Variants in ZMIZ1 observed in about 807,000 individuals in gnomAD.
The protein encoded by ZMIZ1 is zinc finger MIZ-type containing 1, also known as zinc finger MIZ domain-containing protein 1.
Under a neutral mutation model 113.9 loss-of-function variants are expected in ZMIZ1, and 17 were observed. The observed-to-expected ratio is 0.15, with a 90% confidence interval of 0.10 to 0.22. The LOEUF is 0.22. Ranked by LOEUF, ZMIZ1 falls within the 10% of genes least tolerant of loss-of-function variation. The pLI is 1.00. For synonymous variants in ZMIZ1, 607 were observed against 603.1 expected (o/e 1.01, Z -0.09); for missense variants, 1,059 against 1,477.8 (o/e 0.72, Z 4.65).
At chr10:79,128,300 C>T (rs560583482) in intron 2 of ZMIZ1, among the ~76,000 whole-genome samples, 157 of 152,324 alleles carry the variant, frequency 1.0e-3, no homozygotes, top group African/African-American at 3.6e-3. Flanking sequence ...TCTCCCTGCA[C>T]CATACTCGAC....
At chr10:79,149,112 G>T (rs1845610742) in intron 3 of ZMIZ1, among the ~76,000 whole-genome samples, 1 of 152,218 alleles carries the variant, frequency 6.6e-6, no homozygotes, top group East Asian at 1.9e-4. Context: ...CCCTTGGGCT[G>T]CCTTTGGTAC....
chr10:79,127,983 G>A (rs1844589562), intron 2 of ZMIZ1, among the ~76,000 whole-genome samples: 1 of 152,216 alleles, frequency 6.6e-6, no homozygotes, highest in Non-Finnish European at 1.5e-5. Context: ...CCTGGGTGCT[G>A]GAAGCTAATT....
At chr10:79,153,835 T>A (rs1362734629) in intron 3 of ZMIZ1, among the ~76,000 whole-genome samples, 2 of 152,234 alleles carry the variant, frequency 1.3e-5, no homozygotes, top group South Asian at 4.1e-4. Flanking sequence ...AACAGGACTT[T>A]CCTTTGTCCG....
chr10:79,087,135 A>G (rs1278749896), intron 1 of ZMIZ1, among the ~76,000 whole-genome samples: 2 of 152,358 alleles, frequency 1.3e-5, no homozygotes, highest in African/African-American at 2.4e-5. Flanking sequence ...GTTCACTGGC[A>G]TTGTGTCTCC....
intron 7 of ZMIZ1, among the ~76,000 whole-genome samples, chr10:79,258,257 G>T (rs977771824): frequency 6.6e-6 from 1 of 152,160 alleles, no homozygotes; most frequent in Non-Finnish European, 1.5e-5. Flanking sequence ...GGTTATGCAC[G>T]CCTGTAGTCC....
intron 5 of ZMIZ1, among the ~76,000 whole-genome samples, chr10:79,204,139 A>C (rs935205449): frequency 6.6e-6 from 1 of 152,224 alleles, no homozygotes; most frequent in Non-Finnish European, 1.5e-5. Flanking sequence ...GAGAAAGGCA[A>C]GCATGTGTGC....
At chr10:79,188,553 C>T (rs930639761) in intron 4 of ZMIZ1, among the ~76,000 whole-genome samples, 2 of 152,164 alleles carry the variant, frequency 1.3e-5, no homozygotes, top group Non-Finnish European at 2.9e-5. Context: ...TTCGCACAGA[C>T]GTCTTTGTTT....
chr10:79,240,910 T>C (rs1849803344), intron 7 of ZMIZ1, among the ~76,000 whole-genome samples: 1 of 152,152 alleles, frequency 6.6e-6, no homozygotes, highest in East Asian at 1.9e-4. Flanking sequence ...CAAAGTGGTT[T>C]TGCTGAACTC....
chr10:79,080,024 G>T (rs1022227302), intron 1 of ZMIZ1, among the ~76,000 whole-genome samples: 1 of 152,330 alleles, frequency 6.6e-6, no homozygotes, highest in Non-Finnish European at 1.5e-5. Flanking sequence ...CTTAGCTGGG[G>T]TTGTTGTGCT....
At chr10:79,124,255 G>T (rs1301128630) in intron 2 of ZMIZ1, among the ~76,000 whole-genome samples, 1 of 152,208 alleles carries the variant, frequency 6.6e-6, no homozygotes, top group African/African-American at 2.4e-5. Context: ...CAGAGGATTG[G>T]GGTAGGTCAG....
At chr10:79,139,212 G>T (rs1769758) in intron 2 of ZMIZ1, among the ~76,000 whole-genome samples, 67,129 of 151,940 alleles carry the variant, frequency 0.44, 17,112 homozygotes, top group South Asian at 0.73. Flanking sequence ...ATTCAGGCAG[G>T]GGTCACAGAG....
intron 1 of ZMIZ1, among the ~76,000 whole-genome samples, chr10:79,082,596 C>T: frequency 6.6e-6 from 1 of 152,240 alleles, no homozygotes; most frequent in Admixed American, 6.5e-5. Context: ...AGGAATCCAG[C>T]TGCAGAGCTG....
chr10:79,242,832 CG>C (rs1849921200), intron 7 of ZMIZ1, among the ~76,000 whole-genome samples: 1 of 152,090 alleles, frequency 6.6e-6, no homozygotes, highest in Admixed American at 6.5e-5. Context: ...TGCTGCTCGT[CG>C]GGTCGTGCGT....
At chr10:79,293,895 C>G in intron 12 of ZMIZ1, 1 of 621,018 alleles carries the variant, frequency 1.6e-6, no homozygotes, top group East Asian at 2.8e-5. Context: ...AGGAGGTGTC[C>G]GTGAAGTGCT....
intron 1 of ZMIZ1, among the ~76,000 whole-genome samples, chr10:79,083,635 A>G (rs996105524): frequency 6.6e-6 from 1 of 152,222 alleles, no homozygotes; most frequent in African/African-American, 2.4e-5. Flanking sequence ...GGTGGCCACA[A>G]GGAGACCATC....
chr10:79,154,382 G>A (rs1845821947), intron 3 of ZMIZ1, among the ~76,000 whole-genome samples: 2 of 152,178 alleles, frequency 1.3e-5, no homozygotes. Flanking sequence ...GGGATGGGGT[G>A]CCCTCTAGGG....
rs544404839 is a variant in ZMIZ1 at position 79,309,451 on chromosome 10, G to A, written c.2836-1473G>A. 2.6e-5 allele frequency among the ~76,000 whole-genome samples: 4 copies of A among 152,284 alleles called. No individual in the cohort carries two copies. The East Asian group carries it at 5.8e-4, about 22-fold the overall frequency. On this transcript the variant is annotated intron_variant, in intron 23 of 24. Transcript: ENST00000334512. ...TGGCCTCTCACTGACCATGGGTGGTGGCCCATTCCTCCAGCCTCTTGTATG... is the reference window on the plus strand; with the variant it reads ...TGGCCTCTCACTGACCATGGGTGGTAGCCCATTCCTCCAGCCTCTTGTATG...
In ZMIZ1 at chr10:79,312,977, A is replaced by C; in HGVS notation, c.*228A>C. The C allele has an allele frequency of 1.8e-6, 1 of 551,270 alleles. No homozygotes were observed. Among genetic ancestry groups the C allele is most frequent in the Non-Finnish European group, 3.2e-6 (1 of 308,374 alleles). 34.1% of individuals were successfully genotyped at this position (551,270 alleles called of 1,614,324 possible). A position where few individuals can be genotyped will look rare whatever the true frequency, so the allele number is the denominator to read the frequency against. The stretch of plus-strand genomic sequence containing the variant: ...TCTGGAGCCCACGTCCCACCTCCAC[A>C]CCCTTGGCTTGGGCCCATGCCCAGC... On this transcript the variant is annotated 3_prime_UTR_variant, in exon 25 of 25. Transcript: ENST00000334512.
intron 1 of ZMIZ1, among the ~76,000 whole-genome samples, chr10:79,094,992 G>A (rs1843123817): frequency 6.6e-6 from 1 of 151,464 alleles, no homozygotes; most frequent in Non-Finnish European, 1.5e-5. Context: ...AAGCAAGCAA[G>A]CAGTGGCGCT....
Sources: allele counts gnomAD v4.1 joint callset (sites outside exome capture counted in the v4.1 genomes callset), GRCh38; gene constraint gnomAD v4.1.1; transcripts MANE v1.5; gene names NCBI Gene and HGNC (gene_info 2026-07-23, HGNC 2026-07-21).